NBPF14: variants seen among roughly 807,000 people sequenced by gnomAD.
NBPF14 encodes the protein NBPF family member NBPF14.
A neutral mutation model predicts 91.2 loss-of-function variants in NBPF14; 104 were observed. The ratio of observed to expected loss-of-function variants is 1.14; its 90% CI spans 0.97 to 1.34. NBPF14 has a LOEUF of 1.34. Ranked by LOEUF, NBPF14 falls within the 40% of genes most tolerant of loss-of-function variation. The pLI is 0.00. For missense variants in NBPF14, 908 were observed against 783.0 expected (o/e 1.16, Z -1.91); for synonymous variants, 294 against 303.8 (o/e 0.97, Z 0.34).
intron 63 of NBPF14, 90 bp downstream of exon 63, chr1:148,539,320 T>C (rs1347961687): frequency 1.7e-6 from 1 of 601,898 alleles, no homozygotes; most frequent in East Asian, 3.4e-5. Context: ...ATGACGTCTC[T>C]CGGGTCAGTA....
intron 37 of NBPF14, among the ~76,000 whole-genome samples, chr1:148,559,584 C>A: frequency 8.1e-6 from 1 of 123,278 alleles, no homozygotes; most frequent in East Asian, 2.4e-4. Context: ...ACAGGCATGG[C>A]CTGAGACTAG....
Position 148,593,115 on chromosome 1 carries a change from C to T in NBPF14, c.279-349G>A, listed in dbSNP as rs1662763500. ...AAAATACACATAGTGCATCTTGCGG[C>T]CACTACATACAAAGCCACGTACAGA... On this transcript the variant is annotated intron_variant, in intron 3 of 70. Coordinates refer to ENST00000619423, the Ensembl canonical transcript of NBPF14. 6.8e-5 allele frequency among the ~76,000 whole-genome samples: 10 copies of T among 147,736 alleles called. 1 individual carries two copies. The highest frequency in any genetic ancestry group is 6.7e-4 in the South Asian group (3 of 4,488).
intron 70 of NBPF14, among the ~76,000 whole-genome samples, chr1:148,533,452 G>A (rs1339665103): frequency 6.6e-6 from 1 of 151,488 alleles, no homozygotes; most frequent in Non-Finnish European, 1.5e-5. Context: ...GACAGAGAGA[G>A]AGAGACAGAG....
chr1:148,561,776 GACACACAC>G (rs1179446616), intron 34 of NBPF14, among the ~76,000 whole-genome samples, 197 bp from the exon 35 acceptor site: 2 of 114,334 alleles, frequency 1.7e-5, no homozygotes, highest in Admixed American at 8.2e-5. Flanking sequence ...AAGACAGATA[GACACACAC>G]ACACACACAC....
In NBPF14 at chr1:148,587,422, A is replaced by T; in HGVS notation, c.989-19T>A. 6.4e-7 allele frequency: 1 copy of T among 1,565,264 alleles called. No individual in the cohort carries two copies. The highest frequency in any genetic ancestry group is 8.7e-7 in the Non-Finnish European group (1 of 1,148,138). ...TCATATTCTGAGAAAAGACAGACAC[A>T]CCTACCTCAGTGGAAGGCTGGACAT... On this transcript the variant is annotated intron_variant, in intron 7 of 70. Transcript: ENST00000619423.
chr1:148,566,334 G>T lies in NBPF14; in HGVS notation c.3543-19C>A, dbSNP rs1467438024. The stretch of plus-strand genomic sequence containing the variant: ...GCTGAGCCTGGAAAAGGAGGAAAAG[G>T]TAAAGAATAAGCCAGGGGAAATCAG... On this transcript the variant is annotated intron_variant, in intron 28 of 70. Transcript: ENST00000619423. 4.0e-5 allele frequency: 31 copies of T among 776,680 alleles called. 6 individuals are homozygous for T. The East Asian group carries it at 7.2e-4, about 18-fold the overall frequency. The allele number at this position is 776,680 out of a possible 1,614,324, so 48.1% of individuals were successfully genotyped here.
At chr1:148,559,257 GA>G (rs1199718008) in intron 37 of NBPF14, among the ~76,000 whole-genome samples, 185 bp from the exon 38 acceptor site, 9 of 109,762 alleles carry the variant, frequency 8.2e-5, no homozygotes, top group African/African-American at 4.9e-4. Flanking sequence ...TTTTGTCCCA[GA>G]AACTGTGGGT....
intron 70 of NBPF14, among the ~76,000 whole-genome samples, chr1:148,533,645 T>A (rs1348023675): frequency 1.3e-5 from 2 of 148,154 alleles, no homozygotes; most frequent in African/African-American, 2.5e-5. Context: ...AGAGTACAGC[T>A]TTTGAAGTAT....
At chr1:148,559,566 A>G (rs1459587175) in intron 37 of NBPF14, among the ~76,000 whole-genome samples, 9 of 122,488 alleles carry the variant, frequency 7.3e-5, no homozygotes, top group Non-Finnish European at 1.1e-4. Context: ...GAGTAGGATT[A>G]GGGCGCCACA....
chr1:148,534,831 T>C (rs1654730794), exon 69 of NBPF14: 10 of 1,108,576 alleles, frequency 9.0e-6, no homozygotes, highest in Non-Finnish European at 1.2e-5. Context: ...TCAGGATCTT[T>C]CTCATCCAGC....
At chr1:148,572,491 C>A (rs1659251557) in exon 21 of NBPF14, 1 of 573,670 alleles carries the variant, frequency 1.7e-6, no homozygotes, top group Non-Finnish European at 3.0e-6. Flanking sequence ...AATGAGTAAA[C>A]AGCACTGCTG....
chr1:148,572,624 G>T lies in NBPF14; in HGVS notation c.2586-9C>A, dbSNP rs1431095388. The T allele has an allele frequency of 7.0e-6, 4 of 574,738 alleles. 1 individual carries two copies. Among genetic ancestry groups the T allele is most frequent in the South Asian group, 6.0e-5 (3 of 50,250 alleles). 35.6% of individuals were successfully genotyped at this position (574,738 alleles called of 1,614,324 possible). A position where few individuals can be genotyped will look rare whatever the true frequency, so the allele number is the denominator to read the frequency against. Reference sequence around the variant, plus strand: ...GCAGCTCCCTGCTGAGCCTGGAAAAGTGGGAAAAAGTAAAGAATAAGCCAG... The same window carrying T: ...GCAGCTCCCTGCTGAGCCTGGAAAATTGGGAAAAAGTAAAGAATAAGCCAG... On this transcript the variant is annotated splice_polypyrimidine_tract_variant and intron_variant, in intron 20 of 70. Coordinates refer to ENST00000619423, the Ensembl canonical transcript of NBPF14.
intron 14 of NBPF14, 70 bp from the exon 15 acceptor site, chr1:148,577,425 C>T: frequency 1.5e-6 from 1 of 662,178 alleles, no homozygotes; most frequent in Non-Finnish European, 2.8e-6. Flanking sequence ...AGCTAGATTT[C>T]ATGGCTAACG....
chr1:148,577,712 G>T (rs1382616799), intron 14 of NBPF14, among the ~76,000 whole-genome samples: 1 of 144,412 alleles, frequency 6.9e-6, no homozygotes, highest in Admixed American at 6.9e-5. Flanking sequence ...CAATAATTTT[G>T]CATAAAATGT....
At chr1:148,560,035 C>T (rs1657447331) in intron 36 of NBPF14, 70 bp from the exon 37 acceptor site, 2 of 716,510 alleles carry the variant, frequency 2.8e-6, no homozygotes, top group Admixed American at 2.0e-5. Context: ...AGCTAGATTT[C>T]ATGGCTAACG....
intron 64 of NBPF14, among the ~76,000 whole-genome samples, chr1:148,538,249 G>T (rs1396534234): frequency 2.2e-5 from 1 of 45,818 alleles, no homozygotes; most frequent in African/African-American, 1.1e-4. Flanking sequence ...CACACACACA[G>T]AGAGAGAGAG....
intron 28 of NBPF14, 106 bp from the exon 29 acceptor site, chr1:148,566,421 G>C (rs1479136311): frequency 6.6e-6 from 4 of 607,228 alleles, no homozygotes; most frequent in African/African-American, 2.0e-5. Context: ...AAAACTAAAA[G>C]GATAGATCCA....
chr1:148,542,094 C>G (rs1655623076), intron 59 of NBPF14, among the ~76,000 whole-genome samples: 4 of 100,064 alleles, frequency 4.0e-5, no homozygotes, highest in Non-Finnish European at 6.9e-5. Context: ...TTTGTGCAAA[C>G]AGTTACGCCA....
intron 3 of NBPF14, among the ~76,000 whole-genome samples, chr1:148,593,197 A>G (rs1366922666): frequency 6.7e-6 from 1 of 148,446 alleles, no homozygotes; most frequent in Non-Finnish European, 1.5e-5. Context: ...AAAGAAGGAC[A>G]GGGTCGAGGA....
Sources: allele counts gnomAD v4.1 joint callset (sites outside exome capture counted in the v4.1 genomes callset), GRCh38; gene constraint gnomAD v4.1.1; transcripts MANE v1.5; gene names NCBI Gene and HGNC (gene_info 2026-07-23, HGNC 2026-07-21).